The following PPFIA1 variants were observed in gnomAD, a reference collection of about 807,000 sequenced individuals.
The protein encoded by PPFIA1 is PPFI scaffold protein A1, also known as liprin-alpha-1.
Under a neutral mutation model 149.9 loss-of-function variants are expected in PPFIA1, and 25 were observed. The observed-to-expected ratio is 0.17, with a 90% CI of 0.12 to 0.23. The LOEUF (loss-of-function observed/expected upper bound fraction) is 0.23, where lower values mean the gene tolerates loss of function less well. Among genes scored for constraint, PPFIA1 ranks in the 10% least tolerant of loss-of-function variants. The pLI is 1.00. For missense variants in PPFIA1, 1,362 were observed against 1,506.5 expected, an observed-to-expected ratio of 0.90 and a Z score of 1.59; for synonymous variants, 549 against 552.8, an observed-to-expected ratio of 0.99 and a Z score of 0.10.
rs184999255 is a variant in PPFIA1, at chr11:70,315,126, G to A, written c.265-9276G>A. Among the ~76,000 whole-genome samples the A allele has an allele frequency of 1.4e-3, 208 of 152,262 alleles. 1 individual carries two copies. Among genetic ancestry groups the A allele is most frequent in the Non-Finnish European group, 1.9e-4 (13 of 68,022 alleles). The stretch of plus-strand genomic sequence containing the variant: ...CATGGGAATTAGGGGATTATAATTC[G>A]AGATTTTGGGTGGCTTCACAGCCGT... On this transcript the variant is annotated intron_variant, in intron 2 of 27. Coordinates refer to ENST00000253925, the MANE Select transcript of PPFIA1 (RefSeq NM_003626.5).
intron 2 of PPFIA1, among the ~76,000 whole-genome samples, chr11:70,281,659 T>C (rs929022864): frequency 1.3e-5 from 2 of 152,198 alleles, no homozygotes; most frequent in African/African-American, 4.8e-5. Flanking sequence ...TACTTTCTGC[T>C]GAGTTTTCTT....
At chr11:70,322,872 G>C (rs1399246802) in intron 2 of PPFIA1, among the ~76,000 whole-genome samples, 1 of 152,100 alleles carries the variant, frequency 6.6e-6, no homozygotes, top group Non-Finnish European at 1.5e-5. Context: ...CCCCAGCCAG[G>C]CGCAGCTTTG....
chr11:70,326,444 T>C, intron 6 of PPFIA1, 81 bp downstream of exon 6: 2 of 1,370,018 alleles, frequency 1.5e-6, no homozygotes, highest in East Asian at 2.3e-5. Context: ...AAACAGTTGC[T>C]AAAGTACCGG....
At chr11:70,314,570 C>T (rs905565090) in intron 2 of PPFIA1, among the ~76,000 whole-genome samples, 1 of 152,162 alleles carries the variant, frequency 6.6e-6, no homozygotes, top group Admixed American at 6.5e-5. Context: ...TAACCAGCAT[C>T]AGCAGCTTGG....
intron 2 of PPFIA1, among the ~76,000 whole-genome samples, chr11:70,287,501 T>G (rs2051224348): frequency 6.6e-6 from 1 of 152,040 alleles, no homozygotes; most frequent in Non-Finnish European, 1.5e-5. Flanking sequence ...AGCTAAGTTT[T>G]TTTTTTTTTA....
intron 2 of PPFIA1, among the ~76,000 whole-genome samples, chr11:70,314,540 T>A (rs1487864324): frequency 6.6e-6 from 1 of 152,230 alleles, no homozygotes; most frequent in Non-Finnish European, 1.5e-5. Flanking sequence ...CTTCCAACTC[T>A]CATTCCCAAC....
At chr11:70,317,062 A>G (rs756399857) in intron 2 of PPFIA1, among the ~76,000 whole-genome samples, 14 of 152,208 alleles carry the variant, frequency 9.2e-5, no homozygotes, top group Non-Finnish European at 1.6e-4. Context: ...TATTGCATCT[A>G]TTCTATTTCA....
chr11:70,332,747 C>T (rs997198207), intron 9 of PPFIA1, among the ~76,000 whole-genome samples: 1 of 152,178 alleles, frequency 6.6e-6, no homozygotes, highest in Non-Finnish European at 1.5e-5. Flanking sequence ...GCCTCTGGGG[C>T]GTGGGGAGCC....
chr11:70,295,567 C>G (rs1325598602), intron 2 of PPFIA1, among the ~76,000 whole-genome samples: 3 of 145,584 alleles, frequency 2.1e-5, no homozygotes, highest in African/African-American at 5.2e-5. Context: ...GGCTGACCCC[C>G]CCACCTCCCT....
chr11:70,320,236 C>A, intron 2 of PPFIA1: 1 of 152,350 alleles, frequency 6.6e-6, no homozygotes, highest in Non-Finnish European at 1.5e-5. Context: ...AAAAGCATAG[C>A]CAGCCCACCA....
chr11:70,284,295 G>A (rs187372781), intron 2 of PPFIA1, among the ~76,000 whole-genome samples: 13 of 152,238 alleles, frequency 8.5e-5, no homozygotes, highest in East Asian at 1.9e-4. Flanking sequence ...TGTTTTCATC[G>A]TCTTTGGTGT....
chr11:70,277,060 A>ATATATTTTTT, intron 2 of PPFIA1, among the ~76,000 whole-genome samples: 2 of 66,312 alleles, frequency 3.0e-5, no homozygotes, highest in African/African-American at 2.3e-4. Context: ...ATATATATAT[A>ATATATTTTTT]TTTTTTTTTT....
intron 17 of PPFIA1, 125 bp downstream of exon 17, chr11:70,354,577 G>A: frequency 2.7e-6 from 3 of 1,095,670 alleles, no homozygotes; most frequent in South Asian, 1.7e-5. Context: ...ATTCAGTTGA[G>A]TGTATTTACA....
intron 2 of PPFIA1, among the ~76,000 whole-genome samples, chr11:70,285,219 T>C (rs896937685): frequency 6.6e-6 from 1 of 151,774 alleles, no homozygotes; most frequent in Non-Finnish European, 1.5e-5. Flanking sequence ...AGGCTGGTCT[T>C]GAACTCCTGA....
chr11:70,286,340 C>T (rs2051121067), intron 2 of PPFIA1, among the ~76,000 whole-genome samples: 2 of 152,176 alleles, frequency 1.3e-5, no homozygotes, highest in African/African-American at 2.4e-5. Flanking sequence ...CAATCTCTGC[C>T]TCCCGGGTTC....
rs2054569435 is a variant in PPFIA1, at chr11:70,330,218, G to A, written c.976G>A (p.Glu326Lys). 6.2e-7 allele frequency: 1 copy of A among 1,602,970 alleles called. No homozygotes were observed. The highest frequency in any genetic ancestry group is 1.8e-5 in the Admixed American group (1 of 56,800). ...TATGGAAGAGAGAATCACTACTCTTGAAAAACGCTACCTCGCTGCACAGCG... is the reference window on the plus strand; with the variant it reads ...TATGGAAGAGAGAATCACTACTCTTAAAAAACGCTACCTCGCTGCACAGCG... ...EDMEERITTLEKRYLAAQREA... is the reference protein window; with the variant it reads ...EDMEERITTLKKRYLAAQREA... The change falls in exon 8 of 28, where the codon GAA becomes AAA. Residue 326 changes from glutamate (E) to lysine (K), a missense_variant. Glu to Lys is a moderately conservative substitution (Grantham distance 56). Coordinates refer to ENST00000253925, the MANE Select transcript of PPFIA1 (RefSeq NM_003626.5).
chr11:70,293,207 C>T (rs1277521481), intron 2 of PPFIA1, among the ~76,000 whole-genome samples: 1 of 152,254 alleles, frequency 6.6e-6, no homozygotes, highest in Non-Finnish European at 1.5e-5. Context: ...TCATCTAATT[C>T]TGTTCCTAGC....
intron 16 of PPFIA1, among the ~76,000 whole-genome samples, chr11:70,353,133 C>T (rs1325396769): frequency 6.6e-6 from 1 of 152,158 alleles, no homozygotes; most frequent in Non-Finnish European, 1.5e-5. Flanking sequence ...CTCCATTTTG[C>T]ATTGAATGCA....
chr11:70,342,588 C>G (rs552340609), intron 14 of PPFIA1, among the ~76,000 whole-genome samples: 4 of 152,178 alleles, frequency 2.6e-5, no homozygotes, highest in African/African-American at 9.7e-5. Flanking sequence ...TTTCCTCGTT[C>G]GAGCTTGGTA....
Sources: gnomAD v4.1 joint callset for allele counts (sites outside exome capture counted in the v4.1 genomes callset) on GRCh38, gnomAD v4.1.1 for gene constraint, MANE v1.5 for transcripts, NCBI Gene and HGNC (gene_info 2026-07-23, HGNC 2026-07-21) for gene names.